The following BRWD3 variants were observed in gnomAD, a reference collection of about 807,000 sequenced individuals.
BRWD3 encodes bromodomain and WD repeat-containing protein 3.
BRWD3 carries 10 observed loss-of-function variants against 149.7 expected under a neutral mutation model. That is an observed-to-expected ratio of 0.07 (90% CI 0.04 to 0.11). The LOEUF (loss-of-function observed/expected upper bound fraction) is 0.11, where lower values mean the gene tolerates loss of function less well. BRWD3 is among the 10% of genes least tolerant of loss of function. The pLI is 1.00. For synonymous variants in BRWD3, 504 were observed against 456.7 expected, an observed-to-expected ratio of 1.10 and a Z score of -1.32; for missense variants, 940 against 1,373.2, an observed-to-expected ratio of 0.68 and a Z score of 4.99.
chrX:80,707,560 A>C (rs1190386403), intron 21 of BRWD3, 57 bp from the exon 22 acceptor site: 1 of 1,102,885 alleles, frequency 9.1e-7, no homozygotes, highest in Non-Finnish European at 1.2e-6. Flanking sequence ...ATGTATTTCT[A>C]ATTAAAAAAC....
At chrX:80,733,588 T>A in intron 11 of BRWD3, 92 bp from the exon 12 acceptor site, 1 of 684,130 alleles carries the variant, frequency 1.5e-6, no homozygotes, top group Non-Finnish European at 2.2e-6. Flanking sequence ...AAAAACATCA[T>A]GAAGTAGTTT....
chrX:80,752,690 G>A (rs2073684826), intron 6 of BRWD3, among the ~76,000 whole-genome samples: 1 of 111,444 alleles, frequency 9.0e-6, no homozygotes, highest in Non-Finnish European at 1.9e-5. Context: ...TCTTTCTTGA[G>A]ATGAAGTCTT....
At chrX:80,719,379 TAA>T (rs1267375608) in intron 18 of BRWD3, 108 bp downstream of exon 18, 12 of 715,121 alleles carry the variant, frequency 1.7e-5, no homozygotes, top group African/African-American at 2.2e-5. Flanking sequence ...TGTAAATTAA[TAA>T]AAAAGTTTTT....
At chrX:80,770,450 C>T (rs62211732) in intron 6 of BRWD3, among the ~76,000 whole-genome samples, 10 of 111,682 alleles carry the variant, frequency 9.0e-5, no homozygotes, top group Admixed American at 5.7e-4. Flanking sequence ...GTTCAGCATA[C>T]GCAAATCAAT....
chrX:80,712,523 C>A (rs2072990918), intron 20 of BRWD3, among the ~76,000 whole-genome samples: 2 of 110,965 alleles, frequency 1.8e-5, no homozygotes, highest in African/African-American at 6.6e-5. Context: ...CAGCCGCCTG[C>A]CTTGGCCTCC....
At chrX:80,712,950 C>T (rs1406665796) in intron 20 of BRWD3, among the ~76,000 whole-genome samples, 2 of 109,229 alleles carry the variant, frequency 1.8e-5, no homozygotes, top group Non-Finnish European at 1.9e-5. Flanking sequence ...CTCCTCCGCC[C>T]GGCACCCACC....
At chrX:80,739,675 T>C (rs1602377667) in intron 8 of BRWD3, among the ~76,000 whole-genome samples, 1 of 111,984 alleles carries the variant, frequency 8.9e-6, no homozygotes, top group Admixed American at 9.5e-5. Flanking sequence ...AGACCTCCAG[T>C]GGATGCCTGA....
intron 4 of BRWD3, among the ~76,000 whole-genome samples, chrX:80,798,809 T>C (rs2074265214): frequency 9.0e-6 from 1 of 111,532 alleles, no homozygotes; most frequent in Admixed American, 9.6e-5. Flanking sequence ...CAAACTTCTA[T>C]ATTATTCTAT....
intron 26 of BRWD3, 69 bp downstream of exon 26, chrX:80,696,670 G>T: frequency 8.8e-7 from 1 of 1,135,091 alleles, no homozygotes; most frequent in Non-Finnish European, 1.2e-6. Context: ...ATTGAGCACT[G>T]TACTCTAAAA....
rs375054450 is a variant in BRWD3 at position 80,682,001 on chromosome X, A to G, written c.4491T>C (p.Ser1497=). Reference sequence around the variant, plus strand: ...AAAAACAAAAGACATATTTACCAGGAGATGAGAAAGGAGAGCTAGTCCTGG... The same window carrying G: ...AAAAACAAAAGACATATTTACCAGGGGATGAGAAAGGAGAGCTAGTCCTGG... ...SHARTSSPFS[S]PVSDAAEGLS... is the part of the protein sequence containing the mutation. The change falls in exon 39 of 41, where the codon TCT becomes TCC. Residue 1497 remains serine (S), a synonymous_variant. Coordinates refer to ENST00000373275, the MANE Select transcript of BRWD3 (RefSeq NM_153252.5). 2.0e-5 allele frequency: 24 copies of G among 1,195,857 alleles called. No individual in the cohort carries two copies. In the African/African-American group the frequency reaches 4.2e-4, roughly 21 times the overall value.
rs747767480 is a variant in BRWD3 at position 80,682,453 on chromosome X, A to G, written c.4397+12T>C. 19 of 1,206,056 alleles carry G rather than the reference A, an allele frequency of 1.6e-5. No homozygotes were observed. Among genetic ancestry groups the G allele is most frequent in the Non-Finnish European group, 1.9e-5 (17 of 892,021 alleles). On this transcript the variant is annotated intron_variant, in intron 38 of 40. Transcript: ENST00000373275. ...TTTGAGAACAAAAAATGTTGCATCA[A>G]TGTAATGATACCTAGGTGCTCCACT...
chrX:80,728,935 C>A, intron 13 of BRWD3, 30 bp from the exon 14 acceptor site: 1 of 1,184,290 alleles, frequency 8.4e-7, no homozygotes, highest in Non-Finnish European at 1.1e-6. Flanking sequence ...GTATTCATAT[C>A]TTATAAATTT....
intron 6 of BRWD3, among the ~76,000 whole-genome samples, chrX:80,754,837 T>C (rs1169765006): frequency 9.0e-6 from 1 of 110,953 alleles, no homozygotes; most frequent in Non-Finnish European, 1.9e-5. Context: ...TGAAACCCCA[T>C]CTCTACTAAA....
At chrX:80,809,339 G>A in intron 1 of BRWD3, 35 bp from the exon 2 acceptor site, 1 of 1,169,080 alleles carries the variant, frequency 8.6e-7, no homozygotes, top group Non-Finnish European at 1.2e-6. Flanking sequence ...TTCAGAGGGA[G>A]GTAGAGAAGA....
intron 8 of BRWD3, among the ~76,000 whole-genome samples, chrX:80,740,258 T>C (rs2073466404): frequency 8.9e-6 from 1 of 112,210 alleles, no homozygotes. Context: ...AAAAGTGGTC[T>C]CTTTCTCCAA....
At chrX:80,749,796 C>T (rs1296440541) in intron 6 of BRWD3, among the ~76,000 whole-genome samples, 1 of 111,489 alleles carries the variant, frequency 9.0e-6, no homozygotes, top group Non-Finnish European at 1.9e-5. Flanking sequence ...CACTCTTATG[C>T]AAAAACAATG....
chrX:80,702,919 C>G (rs868605634), intron 24 of BRWD3, among the ~76,000 whole-genome samples: 1 of 111,368 alleles, frequency 9.0e-6, no homozygotes, highest in Non-Finnish European at 1.9e-5. Context: ...TTCTAATGTT[C>G]CAATGTTACG....
At chrX:80,722,944 T>C (rs779787840) in intron 16 of BRWD3, among the ~76,000 whole-genome samples, 157 bp from the exon 17 acceptor site, 42 of 111,554 alleles carry the variant, frequency 3.8e-4, no homozygotes, top group Non-Finnish European at 6.6e-4. Flanking sequence ...TAGAAGAGAA[T>C]TGAATTACCT....
At chrX:80,688,857 A>T (rs930086552) in intron 33 of BRWD3, among the ~76,000 whole-genome samples, 8 of 111,279 alleles carry the variant, frequency 7.2e-5, no homozygotes, top group African/African-American at 2.3e-4. Flanking sequence ...AATATAAAAA[A>T]AATTAGTGAT....
Sources: gnomAD v4.1 joint callset for allele counts (sites outside exome capture counted in the v4.1 genomes callset) on GRCh38, gnomAD v4.1.1 for gene constraint, MANE v1.5 for transcripts, NCBI Gene and HGNC (gene_info 2026-07-23, HGNC 2026-07-21) for gene names.